The following SGMS1 variants were observed in gnomAD, a reference collection of about 807,000 sequenced individuals.
The protein encoded by SGMS1 is sphingomyelin synthase 1.
A neutral mutation model predicts 46.2 loss-of-function variants in SGMS1; 13 were observed. The ratio of observed to expected loss-of-function variants is 0.28; its 90% CI spans 0.18 to 0.45. The LOEUF is 0.45. Ranked by LOEUF, SGMS1 falls within the 20% of genes least tolerant of loss-of-function variation. The probability of loss-of-function intolerance (pLI) is 1.00; values close to 1 mark genes in which losing one functional copy is unlikely to be tolerated. For missense variants in SGMS1, 324 were observed against 519.9 expected, an observed-to-expected ratio of 0.62 and a Z score of 3.66; for synonymous variants, 203 against 187.8, an observed-to-expected ratio of 1.08 and a Z score of -0.66.
intron 7 of SGMS1, among the ~76,000 whole-genome samples, chr10:50,331,014 G>A (rs911492360): frequency 6.6e-6 from 1 of 152,054 alleles, no homozygotes; most frequent in East Asian, 1.9e-4. Context: ...ATGAATCAGA[G>A]AAATGGGTGA....
At chr10:50,412,040 C>T (rs950474058) in intron 6 of SGMS1, among the ~76,000 whole-genome samples, 38 of 152,182 alleles carry the variant, frequency 2.5e-4, no homozygotes, top group Admixed American at 2.4e-3. Flanking sequence ...AACTGCTGTG[C>T]TCCCCTTGGG....
intron 8 of SGMS1, among the ~76,000 whole-genome samples, chr10:50,323,155 T>C (rs999701229): frequency 6.6e-6 from 1 of 152,242 alleles, no homozygotes; most frequent in Admixed American, 6.5e-5. Context: ...AGCGATTATA[T>C]TTTGTGAAGA....
intron 3 of SGMS1, among the ~76,000 whole-genome samples, chr10:50,497,520 C>T (rs921256077): frequency 4.6e-5 from 7 of 152,174 alleles, no homozygotes; most frequent in African/African-American, 9.7e-5. Context: ...TGGCCGGGCG[C>T]GGTGGCTCAC....
intron 6 of SGMS1, among the ~76,000 whole-genome samples, chr10:50,378,772 T>C (rs557371230): frequency 2.6e-5 from 4 of 152,316 alleles, no homozygotes; most frequent in Admixed American, 6.5e-5. Context: ...TTTCTCTTAA[T>C]TGATATCTTA....
chr10:50,536,838 A>G (rs1250289161), intron 2 of SGMS1, among the ~76,000 whole-genome samples: 1 of 152,232 alleles, frequency 6.6e-6, no homozygotes, highest in African/African-American at 2.4e-5. Context: ...AGATTATGCA[A>G]TAGTCTATCA....
chr10:50,575,648 T>C (rs1222431116), intron 2 of SGMS1, among the ~76,000 whole-genome samples: 5 of 151,600 alleles, frequency 3.3e-5, no homozygotes, highest in African/African-American at 1.2e-4. Context: ...CTTTTGGAGG[T>C]GATAGATATG....
At chr10:50,521,960 A>C (rs1295687378) in intron 2 of SGMS1, among the ~76,000 whole-genome samples, 1 of 152,124 alleles carries the variant, frequency 6.6e-6, no homozygotes, top group Non-Finnish European at 1.5e-5. Flanking sequence ...AGACCATGTA[A>C]ATATCTTGTC....
Position 50,306,448 on chromosome 10 carries a change from T to G in SGMS1, c.*694A>C, listed in dbSNP as rs1287417719. On this transcript the variant is annotated 3_prime_UTR_variant, in exon 11 of 11. Coordinates refer to ENST00000361781, the MANE Select transcript of SGMS1 (RefSeq NM_147156.4). The stretch of plus-strand genomic sequence containing the variant: ...CCAAGATGCATTTTTAAATTTTAAC[T>G]CTCTTCTCTCTGACATGTTAAAAAT... 1 of 152,668 alleles carries G rather than the reference T, an allele frequency of 6.6e-6. No individual in the cohort carries two copies. The highest frequency in any genetic ancestry group is 1.9e-4 in the East Asian group (1 of 5,280). 9.5% of individuals were successfully genotyped at this position (152,668 alleles called of 1,614,324 possible).
chr10:50,341,806 C>T (rs999912896), intron 7 of SGMS1, among the ~76,000 whole-genome samples: 19 of 152,000 alleles, frequency 1.3e-4, no homozygotes, highest in African/African-American at 4.6e-4. Context: ...AATCATAAAG[C>T]TTAAAGAGAA....
intron 8 of SGMS1, among the ~76,000 whole-genome samples, chr10:50,321,246 C>A (rs1847437495): frequency 6.6e-6 from 1 of 152,068 alleles, no homozygotes; most frequent in South Asian, 2.1e-4. Flanking sequence ...ATAGACAGCA[C>A]CATCAGAATC....
chr10:50,524,667 C>T (rs1837885574), intron 2 of SGMS1, among the ~76,000 whole-genome samples: 1 of 152,160 alleles, frequency 6.6e-6, no homozygotes, highest in African/African-American at 2.4e-5. Flanking sequence ...AGCCCATTTA[C>T]AGATGAGCAA....
chr10:50,531,661 C>T (rs1316609796), intron 2 of SGMS1, among the ~76,000 whole-genome samples: 7 of 152,158 alleles, frequency 4.6e-5, no homozygotes, highest in African/African-American at 9.7e-5. Flanking sequence ...GTTGGATCCA[C>T]TTATCCTACC....
intron 5 of SGMS1, among the ~76,000 whole-genome samples, chr10:50,454,985 T>A (rs566749860): frequency 6.6e-6 from 1 of 152,354 alleles, no homozygotes; most frequent in Non-Finnish European, 1.5e-5. Flanking sequence ...TTTACCTCCC[T>A]CTTTATTACT....
rs141398634 is a variant in SGMS1, at chr10:50,466,218, G to A, written c.-455+672C>T. Among the ~76,000 whole-genome samples, 823 of 152,020 alleles carry A rather than the reference G, an allele frequency of 5.4e-3. 14 individuals are homozygous for A. The highest frequency in any genetic ancestry group is 0.014 in the South Asian group (67 of 4,806). ...CTATCTTTAGGCAAAGGGGCAATAA[G>A]AGTATAAAAAGAACAAAGAATGGCT... On this transcript the variant is annotated intron_variant, in intron 4 of 10. Transcript: ENST00000361781.
chr10:50,314,445 A>T (rs1331452763), intron 8 of SGMS1, among the ~76,000 whole-genome samples: 1 of 152,166 alleles, frequency 6.6e-6, no homozygotes, highest in Non-Finnish European at 1.5e-5. Context: ...CGATTTCCTC[A>T]TCTACAATTT....
intron 5 of SGMS1, among the ~76,000 whole-genome samples, chr10:50,451,079 G>A (rs1395827753): frequency 6.6e-6 from 1 of 152,054 alleles, no homozygotes; most frequent in Non-Finnish European, 1.5e-5. Context: ...CCAATATGAA[G>A]TAAACATTAT....
intron 1 of SGMS1, among the ~76,000 whole-genome samples, chr10:50,599,878 A>G (rs1349444231): frequency 6.6e-6 from 1 of 152,212 alleles, no homozygotes; most frequent in East Asian, 1.9e-4. Flanking sequence ...ATTTTAAAAA[A>G]GAAAGAAAGA....
chr10:50,438,461 A>G (rs2133630617), intron 5 of SGMS1, among the ~76,000 whole-genome samples: 1 of 152,320 alleles, frequency 6.6e-6, no homozygotes, highest in South Asian at 2.1e-4. Flanking sequence ...AATCCTGCCA[A>G]TCACACGGGC....
intron 3 of SGMS1, among the ~76,000 whole-genome samples, chr10:50,472,606 G>C (rs1418560770): frequency 6.6e-6 from 1 of 152,048 alleles, no homozygotes; most frequent in Non-Finnish European, 1.5e-5. Flanking sequence ...TTCCATATCT[G>C]AGCTATTGTG....
Sources: allele counts gnomAD v4.1 joint callset (sites outside exome capture counted in the v4.1 genomes callset), GRCh38; gene constraint gnomAD v4.1.1; transcripts MANE v1.5; gene names NCBI Gene and HGNC (gene_info 2026-07-23, HGNC 2026-07-21).